Variants in CAPN11 observed in about 807,000 individuals in gnomAD.
The protein encoded by CAPN11 is calpain 11.
A neutral mutation model predicts 105.3 loss-of-function variants in CAPN11; 108 were observed. The observed-to-expected ratio is 1.03, with a 90% confidence interval of 0.88 to 1.20. The LOEUF is 1.20. CAPN11 is among the 50% of genes most tolerant of loss of function. The probability of loss-of-function intolerance (pLI) is 0.00; values close to 1 mark genes in which losing one functional copy is unlikely to be tolerated. For synonymous variants in CAPN11, 329 were observed against 344.5 expected (o/e 0.96, Z 0.50); for missense variants, 883 against 924.8 (o/e 0.95, Z 0.59).
rs1491258948 is a variant in CAPN11 at position 44,178,749 on chromosome 6, TTA to T, written c.1417-869_1417-868del. On this transcript the variant is annotated intron_variant, in intron 12 of 22. Transcript: ENST00000398776. ...GCAACACAGCAAGACCCTGTCTCGA[TTA>T]AAAAAAAAAAAAAAAAAAAAAATTA... Among the ~76,000 whole-genome samples the T allele has an allele frequency of 2.7e-3, 188 of 70,276 alleles. 4 individuals are homozygous for T. The highest frequency in any genetic ancestry group is 3.2e-3 in the Admixed American group (17 of 5,250). 46.1% of individuals were successfully genotyped at this position (70,276 alleles called of 152,430 possible). A position where few individuals can be genotyped will look rare whatever the true frequency, so the allele number is the denominator to read the frequency against.
chr6:44,177,642 A>T, intron 12 of CAPN11: 1 of 525,050 alleles, frequency 1.9e-6, no homozygotes, highest in East Asian at 3.3e-5. Context: ...GTGCACCACC[A>T]TGCCCAGCTA....
rs376044562 is a variant in CAPN11 at position 44,184,279 on chromosome 6, G to A, written c.*347G>A. 17 of 374,802 alleles carry A rather than the reference G, an allele frequency of 4.5e-5. No individual in the cohort carries two copies. Among genetic ancestry groups the A allele is most frequent in the South Asian group, 1.1e-4 (3 of 27,662 alleles). The allele number at this position is 374,802 out of a possible 1,614,324, so 23.2% of individuals were successfully genotyped here. Reference sequence around the variant, plus strand: ...AGAATAGGGAAGGGACTTGTAGCCCGTTTCTTACCCTCCATGCTTGCTGTC... The same window carrying A: ...AGAATAGGGAAGGGACTTGTAGCCCATTTCTTACCCTCCATGCTTGCTGTC... On this transcript the variant is annotated 3_prime_UTR_variant, in exon 23 of 23. Transcript: ENST00000398776.
intron 1 of CAPN11, among the ~76,000 whole-genome samples, chr6:44,165,819 A>G (rs1011304655): frequency 3.3e-5 from 5 of 152,108 alleles, no homozygotes; most frequent in Non-Finnish European, 5.9e-5. Context: ...CGATGTCCTG[A>G]AAGTTTCCAG....
rs201061730 is a variant in CAPN11, at chr6:44,176,583, C to T, written c.1004C>T (p.Ala335Val). Residue 335 changes from alanine to valine, a missense_variant and splice_region_variant, in exon 10 of 23, where the codon GCC becomes GTC. By Grantham distance (64) the Ala-to-Val change is moderately conservative. Coordinates refer to ENST00000398776, the MANE Select transcript of CAPN11 (RefSeq NM_007058.4). Reference protein sequence around the residue: ...IEWNGAWSDSAREWEEVASDI... With the variant: ...IEWNGAWSDSVREWEEVASDI... ...TCCACCGCCCATCTCTGCTCCAGTG[C>T]CAGGGAGTGGGAAGAGGTGGCCTCA... 1.9e-6 allele frequency: 3 copies of T among 1,612,184 alleles called. No homozygotes were observed. Among genetic ancestry groups the T allele is most frequent in the Non-Finnish European group, 1.7e-6 (2 of 1,178,672 alleles).
chr6:44,183,631 C>A (rs1582894402), intron 21 of CAPN11, 74 bp from the exon 22 acceptor site: 2 of 1,410,392 alleles, frequency 1.4e-6, no homozygotes, highest in African/African-American at 2.8e-5. Flanking sequence ...CCCCTTCCTA[C>A]CTAGTTGGGA....
intron 1 of CAPN11, among the ~76,000 whole-genome samples, chr6:44,165,719 A>C (rs1356484215): frequency 2.0e-5 from 3 of 152,170 alleles, no homozygotes; most frequent in African/African-American, 7.2e-5. Context: ...TGGAACACTC[A>C]AGAGGGGTCA....
chr6:44,181,935 GAC>G (rs1773644479), intron 19 of CAPN11, among the ~76,000 whole-genome samples: 3 of 104,668 alleles, frequency 2.9e-5, no homozygotes, highest in South Asian at 2.9e-4. Flanking sequence ...CTCACATACA[GAC>G]ACAACCACAC....
In CAPN11 at chr6:44,180,676, G is replaced by A. The variant is rs753883165; in HGVS notation, c.1746+14G>A. The A allele has an allele frequency of 2.1e-5, 34 of 1,613,632 alleles. No individual in the cohort carries two copies. The African/African-American group carries it at 3.1e-4, about 15-fold the overall frequency. On this transcript the variant is annotated intron_variant, in intron 16 of 22. Transcript: ENST00000398776. ...GTGGCAGGAGAGGTGAGCAGGCCACGAGCGGAGGGCTGACAGGAGGGGGAT... is the reference window on the plus strand; with the variant it reads ...GTGGCAGGAGAGGTGAGCAGGCCACAAGCGGAGGGCTGACAGGAGGGGGAT...
rs771437989 is a variant in CAPN11 at position 44,169,914 on chromosome 6, A to G, written c.348A>G (p.Ile116Met). The stretch of plus-strand genomic sequence containing the variant: ...TTATTCCTTCACTGCAGGATATCAT[A>G]AACAACCCTCTATTCATCATGGATG... ...NISWQRPKDI[I>M]NNPLFIMDGI... is the part of the protein sequence containing the mutation. The change falls in exon 4 of 23, where the codon ATA becomes ATG. Residue 116 changes from isoleucine to methionine, a missense_variant. Ile to Met is a conservative substitution (Grantham distance 10). Coordinates refer to ENST00000398776, the MANE Select transcript of CAPN11 (RefSeq NM_007058.4). 1 of 1,611,462 alleles carries G rather than the reference A, an allele frequency of 6.2e-7. No homozygotes were observed. Among genetic ancestry groups the G allele is most frequent in the South Asian group, 1.1e-5 (1 of 90,482 alleles).
Position 44,180,275 on chromosome 6 carries a change from G to A in CAPN11, c.1640+112G>A. ...TCACTTTGTCCCTATTTTACAGTCAGGGAAACTGAGGCATGAGAAGGTGAA... is the reference window on the plus strand; with the variant it reads ...TCACTTTGTCCCTATTTTACAGTCAAGGAAACTGAGGCATGAGAAGGTGAA... On this transcript the variant is annotated intron_variant, in intron 14 of 22. Transcript: ENST00000398776. 3 of 932,574 alleles carry A rather than the reference G, an allele frequency of 3.2e-6. No individual in the cohort carries two copies. In the South Asian group the frequency reaches 4.8e-5, roughly 15 times the overall value. The allele number at this position is 932,574 out of a possible 1,614,324, so 57.8% of individuals were successfully genotyped here. A position where few individuals can be genotyped will look rare whatever the true frequency, so the allele number is the denominator to read the frequency against.
Position 44,158,865 on chromosome 6 carries a change from G to A in CAPN11, c.16+1G>A, listed in dbSNP as rs927067405. On this transcript the variant is annotated splice_donor_variant, in intron 1 of 22. Transcript: ENST00000398776. LOFTEE classifies it high-confidence loss of function. ...GCCACCAGCATGCTGTACTCCCCAG[G>A]TAGGCACTCATGGGGCCTTGCCCCA... 2.6e-6 allele frequency: 4 copies of A among 1,551,232 alleles called. No homozygotes were observed. The Admixed American group carries it at 5.9e-5, about 23-fold the overall frequency.
intron 5 of CAPN11, 23 bp from the exon 6 acceptor site, chr6:44,172,917 G>A: frequency 6.2e-7 from 1 of 1,611,240 alleles, no homozygotes; most frequent in Non-Finnish European, 8.5e-7. Context: ...CCCACGCAAG[G>A]GGTGTGTGTT....
At chr6:44,166,112 G>A (rs1044084475) in intron 1 of CAPN11, among the ~76,000 whole-genome samples, 5 of 152,112 alleles carry the variant, frequency 3.3e-5, no homozygotes, top group African/African-American at 1.2e-4. Flanking sequence ...AGGACCTGAG[G>A]AAATCCCAAG....
At chr6:44,180,910 T>TCTACCCCTTCCCTTC in intron 17 of CAPN11, 23 bp from the exon 18 acceptor site, 1 of 1,612,974 alleles carries the variant, frequency 6.2e-7, no homozygotes, top group Non-Finnish European at 8.5e-7. Flanking sequence ...GTCTCTCCTT[T>TCTACCCCTTCCCTTC]CTACCCCTTC....
rs1385836008 is a variant in CAPN11, at chr6:44,181,290, G to T, written c.1908G>T (p.Lys636Asn). The change falls in exon 19 of 23, where the codon AAG (lysine) becomes AAT (asparagine). Residue 636 changes from lysine (K) to asparagine (N), a missense_variant. By Grantham distance (94) the Lys-to-Asn change is moderately conservative (BLOSUM62 0). Coordinates refer to ENST00000398776, the MANE Select transcript of CAPN11 (RefSeq NM_007058.4). Reference protein sequence around the residue: ...GSGKLGLLEFKILWKKLKKWM... With the variant: ...GSGKLGLLEFNILWKKLKKWM... ...GCAAGCTGGGGCTTCTAGAGTTCAAGATCCTGTGGAAAAAACTCAAGAAAT... is the reference window on the plus strand; with the variant it reads ...GCAAGCTGGGGCTTCTAGAGTTCAATATCCTGTGGAAAAAACTCAAGAAAT... 6.2e-7 allele frequency: 1 copy of T among 1,613,414 alleles called. No homozygotes were observed. Among genetic ancestry groups the T allele is most frequent in the Non-Finnish European group, 8.5e-7 (1 of 1,179,644 alleles).
intron 12 of CAPN11, among the ~76,000 whole-genome samples, chr6:44,179,057 T>C (rs1359718828): frequency 6.6e-6 from 1 of 152,186 alleles, no homozygotes; most frequent in African/African-American, 2.4e-5. Flanking sequence ...TAACTCACAT[T>C]TTTACAAACT....
rs373056696 is a variant in CAPN11, at chr6:44,181,490, C to CCACA, written c.1938+186_1938+189dup. 1.9e-4 allele frequency among the ~76,000 whole-genome samples: 9 copies of CCACA among 47,810 alleles called. 1 individual carries two copies. Among genetic ancestry groups the CCACA allele is most frequent in the African/African-American group, 7.9e-4 (8 of 10,126 alleles). The allele number at this position is 47,810 out of a possible 152,430, so 31.4% of individuals were successfully genotyped here. A position where few individuals can be genotyped will look rare whatever the true frequency, so the allele number is the denominator to read the frequency against. ...ACACTCACATACAGACACAACCACA[C>CCACA]CACACACACACACACACACTCACAT... On this transcript the variant is annotated intron_variant, in intron 19 of 22. Transcript: ENST00000398776.
chr6:44,183,866 C>T (rs772327479), intron 22 of CAPN11, 40 bp from the exon 23 acceptor site: 25 of 1,566,270 alleles, frequency 1.6e-5, no homozygotes, highest in Middle Eastern at 1.8e-4. Context: ...ATCCTGCCCC[C>T]GTCTCTTCCC....
intron 2 of CAPN11, among the ~76,000 whole-genome samples, chr6:44,167,741 C>G (rs1030471710): frequency 1.3e-5 from 2 of 151,654 alleles, no homozygotes; most frequent in Non-Finnish European, 2.9e-5. Flanking sequence ...GAGATCCTGT[C>G]TCTACAAAAA....
Sources: allele counts gnomAD v4.1 joint callset (sites outside exome capture counted in the v4.1 genomes callset), GRCh38; gene constraint gnomAD v4.1.1; transcripts MANE v1.5; gene names NCBI Gene and HGNC (gene_info 2026-07-23, HGNC 2026-07-21).